The following CLIP1 variants were observed in gnomAD, a reference collection of about 807,000 sequenced individuals.
CLIP1 encodes CAP-Gly domain-containing linker protein 1.
A neutral mutation model predicts 161.6 loss-of-function variants in CLIP1; 66 were observed. The observed-to-expected ratio is 0.41, with a 90% CI of 0.33 to 0.50. The LOEUF is 0.50. Among genes scored for constraint, CLIP1 ranks in the 20% least tolerant of loss-of-function variants. The pLI, the probability that CLIP1 is intolerant of heterozygous loss-of-function variation, is 0.27. For synonymous variants in CLIP1, 598 were observed against 626.2 expected (o/e 0.96, Z 0.67); for missense variants, 1,376 against 1,702.0 (o/e 0.81, Z 3.37).
intron 1 of CLIP1, among the ~76,000 whole-genome samples, chr12:122,404,905 A>AC (rs1483481573): frequency 1.3e-5 from 2 of 149,848 alleles, no homozygotes; most frequent in Non-Finnish European, 1.5e-5. Flanking sequence ...ATCTCAAAAA[A>AC]AAAAAACAAA....
At position 122,278,783 on chromosome 12, in the gene CLIP1, G is replaced by A. The variant is rs370225545; in HGVS notation, c.3916+9C>T. The A allele has an allele frequency of 7.3e-5, 115 of 1,580,028 alleles. No homozygotes were observed. Among genetic ancestry groups the A allele is most frequent in the African/African-American group, 5.0e-4 (37 of 73,372 alleles). On this transcript the variant is annotated intron_variant, in intron 23 of 25. Transcript: ENST00000620786. ...GTGTACAGAGAAGCACTGGGCAGGCGCCCTTTACCTGAGGAGCTGCTGAGC... is the reference window on the plus strand; with the variant it reads ...GTGTACAGAGAAGCACTGGGCAGGCACCCTTTACCTGAGGAGCTGCTGAGC...
chr12:122,420,665 G>A (rs761492775), intron 1 of CLIP1, among the ~76,000 whole-genome samples: 5 of 152,116 alleles, frequency 3.3e-5, no homozygotes, highest in Non-Finnish European at 7.3e-5. Context: ...GCCAGGTGCG[G>A]TAGTTCACAC....
chr12:122,382,520 AG>A (rs202093043), intron 1 of CLIP1, among the ~76,000 whole-genome samples: 12,063 of 151,460 alleles, frequency 0.08, 631 homozygotes, highest in Middle Eastern at 0.15. Context: ...AAAAAAAAAA[AG>A]ATGAGAACAC....
chr12:122,351,148 C>T lies in CLIP1; in HGVS notation c.1369-5G>A, dbSNP rs763369057. ...TTCAGAAATCTGGCTCTTTTGCTAT[C>T]AGTAAAAAAATAAAAAAAATTAAAC... On this transcript the variant is annotated splice_polypyrimidine_tract_variant and splice_region_variant and intron_variant, in intron 8 of 25. Coordinates refer to ENST00000620786, the MANE Select transcript of CLIP1 (RefSeq NM_001247997.2). 3 of 1,477,650 alleles carry T rather than the reference C, an allele frequency of 2.0e-6. No individual in the cohort carries two copies. Among genetic ancestry groups the T allele is most frequent in the Non-Finnish European group, 2.7e-6 (3 of 1,117,942 alleles). 91.5% of individuals were successfully genotyped at this position (1,477,650 alleles called of 1,614,324 possible). A position where few individuals can be genotyped will look rare whatever the true frequency, so the allele number is the denominator to read the frequency against.
chr12:122,326,410 T>C (rs1024327558), intron 17 of CLIP1, among the ~76,000 whole-genome samples: 6 of 152,338 alleles, frequency 3.9e-5, no homozygotes, highest in Admixed American at 3.9e-4. Context: ...CCAGGAACGA[T>C]GAATCACGCC....
At chr12:122,374,315 CAAAAAAAA>C (rs537296671) in intron 3 of CLIP1, among the ~76,000 whole-genome samples, 1 of 45,938 alleles carries the variant, frequency 2.2e-5, no homozygotes, top group Non-Finnish European at 4.6e-5. Context: ...ACTAAAAATA[CAAAAAAAA>C]AAAAAAAAAA....
intron 17 of CLIP1, 111 bp from the exon 18 acceptor site, chr12:122,319,459 G>A (rs1008733742): frequency 1.9e-5 from 14 of 745,924 alleles, no homozygotes; most frequent in African/African-American, 1.4e-4. Context: ...GGGTAAGGGA[G>A]GCACACAGAG....
Position 122,361,160 on chromosome 12 carries a change from T to C in CLIP1, c.804A>G (p.Lys268=), listed in dbSNP as rs1287383727. 6.2e-7 allele frequency: 1 copy of C among 1,613,800 alleles called. No individual in the cohort carries two copies. Among genetic ancestry groups the C allele is most frequent in the African/African-American group, 1.3e-5 (1 of 74,940 alleles). The change falls in exon 5 of 26, where the codon AAA becomes AAG. Residue 268 remains lysine (K), a synonymous_variant. Transcript: ENST00000620786. ...TGTGGACAGGAGCGAACAAGCCATA[T>C]TTGGGTTGACACTGAAAATACCTTT... ...AGTRYFQCQP[K]YGLFAPVHKV...
chr12:122,403,510 T>G (rs959431572), intron 1 of CLIP1, among the ~76,000 whole-genome samples: 8 of 150,040 alleles, frequency 5.3e-5, no homozygotes, highest in African/African-American at 1.5e-4. Flanking sequence ...TTTTTTTTTT[T>G]TTTTTTTTTG....
At chr12:122,378,954 C>T (rs1334202508) in intron 2 of CLIP1, among the ~76,000 whole-genome samples, 1 of 151,902 alleles carries the variant, frequency 6.6e-6, no homozygotes, top group Non-Finnish European at 1.5e-5. Flanking sequence ...GGAGAAACCC[C>T]ATCTCTACTA....
chr12:122,341,394 A>G lies in CLIP1; in HGVS notation c.1810T>C (p.Ser604Pro), dbSNP rs140859639. Residue 604 changes from serine (S) to proline (P), a missense_variant, in exon 11 of 26, where the codon TCA becomes CCA. Ser to Pro is a moderately conservative substitution (Grantham distance 74, BLOSUM62 -1). This residue lies in a region of CLIP1 where 948 missense variants were observed against 1,134.8 expected (regional missense o/e 0.84). Coordinates refer to ENST00000620786, the MANE Select transcript of CLIP1 (RefSeq NM_001247997.2). ...GCATGCTCCAGCTTGCTTTTCAATG[A>G]CTCGTTCTCTTTGGAAAGCTTTTCC... ...ATEKLSKENE[S>P]LKSKLEHANK... 6.2e-7 allele frequency: 1 copy of G among 1,613,464 alleles called. No homozygotes were observed. Among genetic ancestry groups the G allele is most frequent in the Non-Finnish European group, 8.5e-7 (1 of 1,179,902 alleles).
intron 11 of CLIP1, among the ~76,000 whole-genome samples, chr12:122,336,965 T>G (rs565359563): frequency 2.3e-4 from 35 of 151,532 alleles, no homozygotes; most frequent in African/African-American, 7.2e-4. Context: ...TTTTTGTGTT[T>G]TTTTTTTTTT....
chr12:122,373,402 G>T (rs1954551853), intron 3 of CLIP1, among the ~76,000 whole-genome samples: 1 of 150,214 alleles, frequency 6.7e-6, no homozygotes, highest in South Asian at 2.1e-4. Flanking sequence ...CAACCTAGGG[G>T]GACAGAGTGA....
intron 3 of CLIP1, 132 bp downstream of exon 3, chr12:122,377,257 C>T (rs2136783307): frequency 1.3e-6 from 1 of 772,776 alleles, no homozygotes; most frequent in Non-Finnish European, 2.1e-6. Flanking sequence ...ATCCACCCGC[C>T]TCAGCCTCCC....
Position 122,380,413 on chromosome 12 carries a change from T to C in CLIP1, c.40A>G (p.Lys14Glu), listed in dbSNP as rs1305408759. 1 of 1,613,752 alleles carries C rather than the reference T, an allele frequency of 6.2e-7. No individual in the cohort carries two copies. The change falls in exon 2 of 26, where the codon AAG becomes GAG. Residue 14 changes from lysine (K) to glutamate (E), a missense_variant. By Grantham distance (56) the Lys-to-Glu change is moderately conservative (BLOSUM62 1). Around this residue, in one of 6 missense-constraint regions of CLIP1, gnomAD observed 66 missense variants for 67.8 expected, o/e 0.97. Transcript: ENST00000620786. ...GCTGTGCTTCCAGGCTTCAGGATCT[T>C]GGTGGGGGCCTTAAGCCCACTTGGC... Reference protein sequence around the residue: ...LKPSGLKAPTKILKPGSTALK... With the variant: ...LKPSGLKAPTEILKPGSTALK...
intron 3 of CLIP1, among the ~76,000 whole-genome samples, chr12:122,376,470 AT>A (rs138832447): frequency 1.2e-4 from 18 of 150,452 alleles, no homozygotes; most frequent in Non-Finnish European, 2.7e-4. Flanking sequence ...AAGAAAAAAA[AT>A]TTTTTTTTTC....
At chr12:122,374,748 C>T (rs1398699840) in intron 3 of CLIP1, among the ~76,000 whole-genome samples, 2 of 151,848 alleles carry the variant, frequency 1.3e-5, no homozygotes, top group East Asian at 1.9e-4. Flanking sequence ...GGCAACAGAG[C>T]GAGACTCTGT....
At position 122,327,239 on chromosome 12, in the gene CLIP1, A is replaced by G. The variant is rs142873276; in HGVS notation, c.3249+708T>C. Among the ~76,000 whole-genome samples, 72 of 152,216 alleles carry G rather than the reference A, an allele frequency of 4.7e-4. 1 individual carries two copies. In the East Asian group the frequency reaches 0.014, roughly 29 times the overall value. On this transcript the variant is annotated intron_variant, in intron 17 of 25. Transcript: ENST00000620786. ...GATGGGAGGACTGCTTGAGCCCAGG[A>G]GTTTGAGACCAGCCTGGGCAACACA...
At chr12:122,334,582 G>C (rs1952126620) in intron 13 of CLIP1, 66 bp downstream of exon 13, 1 of 1,089,708 alleles carries the variant, frequency 9.2e-7, no homozygotes, top group African/African-American at 1.6e-5. Flanking sequence ...GCACTCCACA[G>C]GTCAGCTCCA....
Sources: gnomAD v4.1 joint callset for allele counts (sites outside exome capture counted in the v4.1 genomes callset) on GRCh38, gnomAD v4.1.1 for gene constraint, gnomAD v4.1.1 regional missense constraint, MANE v1.5 for transcripts, NCBI Gene and HGNC (gene_info 2026-07-23, HGNC 2026-07-21) for gene names.